The following RORA variants were observed in gnomAD, a reference collection of about 807,000 sequenced individuals.
RORA encodes nuclear receptor ROR-alpha.
In RORA, 7 loss-of-function variants were observed where a neutral mutation model predicts 69.5. The observed-to-expected ratio is 0.10, with a 90% confidence interval of 0.06 to 0.19. The LOEUF (loss-of-function observed/expected upper bound fraction) is 0.19. Among genes scored for constraint, RORA ranks in the 10% least tolerant of loss-of-function variants. RORA has a pLI of 1.00. For missense variants in RORA, 457 were observed against 663.0 expected, an observed-to-expected ratio of 0.69 and a Z score of 3.41; for synonymous variants, 261 against 240.8, an observed-to-expected ratio of 1.08 and a Z score of -0.78.
At chr15:60,663,065 C>A (rs1239418451) in intron 2 of RORA, among the ~76,000 whole-genome samples, 2 of 152,172 alleles carry the variant, frequency 1.3e-5, no homozygotes, top group Non-Finnish European at 2.9e-5. Context: ...GAAGGGCCAC[C>A]CCCACTCTGA....
chr15:60,922,060 A>G (rs1892064460), intron 1 of RORA, among the ~76,000 whole-genome samples: 1 of 152,180 alleles, frequency 6.6e-6, no homozygotes, highest in Non-Finnish European at 1.5e-5. Flanking sequence ...AAATATATGC[A>G]CAGTCTACAG....
intron 3 of RORA, among the ~76,000 whole-genome samples, chr15:60,515,239 A>C (rs972684460): frequency 6.6e-6 from 1 of 152,220 alleles, no homozygotes; most frequent in Non-Finnish European, 1.5e-5. Flanking sequence ...AGCCCACTTC[A>C]ACACACGGCC....
chr15:60,561,257 A>G (rs1256953879), intron 2 of RORA, among the ~76,000 whole-genome samples: 3 of 150,690 alleles, frequency 2.0e-5, no homozygotes, highest in African/African-American at 7.3e-5. Flanking sequence ...AATTTTTTGT[A>G]TTTTTAGTAG....
chr15:61,067,304 G>T (rs1267063689), intron 1 of RORA, among the ~76,000 whole-genome samples: 3 of 151,686 alleles, frequency 2.0e-5, no homozygotes, highest in Non-Finnish European at 4.4e-5. Flanking sequence ...TAGAGACGGG[G>T]TTTTACTATG....
At chr15:60,614,989 G>C (rs768665850) in intron 2 of RORA, 1 of 1,613,960 alleles carries the variant, frequency 6.2e-7, no homozygotes, top group South Asian at 1.1e-5. Context: ...CTCAAGTTGA[G>C]ACCAGAACAG....
intron 1 of RORA, among the ~76,000 whole-genome samples, chr15:60,850,971 T>TC (rs1392340701): frequency 6.6e-6 from 1 of 152,138 alleles, no homozygotes; most frequent in African/African-American, 2.4e-5. Context: ...TCATTCTTTT[T>TC]CCCTCACACA....
chr15:60,665,076 T>C (rs771431983), intron 2 of RORA, among the ~76,000 whole-genome samples: 6 of 152,222 alleles, frequency 3.9e-5, no homozygotes, highest in Non-Finnish European at 8.8e-5. Context: ...CAGACAAACA[T>C]AGCAAGTCAC....
Position 60,841,014 on chromosome 15 carries a change from C to A in RORA, c.167-162328G>T, listed in dbSNP as rs958400125. The A allele has an allele frequency of 1.3e-5, 11 of 844,362 alleles. No individual in the cohort carries two copies. The African/African-American group carries it at 1.8e-4, about 14-fold the overall frequency. The allele number at this position is 844,362 out of a possible 1,614,324, so 52.3% of individuals were successfully genotyped here. A position where few individuals can be genotyped will look rare whatever the true frequency, so the allele number is the denominator to read the frequency against. On this transcript the variant is annotated intron_variant, in intron 1 of 10. Transcript: ENST00000335670. ...CCACCTCCTTCCTCGACAACGATAC[C>A]TTACGGAAGCCAGAGAAATTTAGGC...
intron 1 of RORA, among the ~76,000 whole-genome samples, chr15:61,042,586 C>T (rs576797754): frequency 5.9e-5 from 9 of 152,350 alleles, no homozygotes; most frequent in African/African-American, 1.9e-4. Context: ...TCACAAAAGA[C>T]TGTACGTAAT....
At chr15:61,225,614 G>A (rs1010342374) in intron 1 of RORA, among the ~76,000 whole-genome samples, 6 of 152,074 alleles carry the variant, frequency 3.9e-5, no homozygotes, top group East Asian at 3.9e-4. Flanking sequence ...TAGGTCTGCC[G>A]GCCCTAAAAG....
At chr15:60,726,273 T>C (rs943350330) in intron 1 of RORA, among the ~76,000 whole-genome samples, 1 of 152,032 alleles carries the variant, frequency 6.6e-6, no homozygotes, top group African/African-American at 2.4e-5. Context: ...GAAATGAAGG[T>C]TAATAAGAGG....
chr15:60,801,585 G>A (rs946580941), intron 1 of RORA, among the ~76,000 whole-genome samples: 6 of 152,206 alleles, frequency 3.9e-5, no homozygotes, highest in African/African-American at 1.4e-4. Context: ...GAATGTCTCT[G>A]CATTTTACAG....
intron 1 of RORA, among the ~76,000 whole-genome samples, chr15:61,016,991 A>T (rs982041543): frequency 6.6e-6 from 1 of 152,234 alleles, no homozygotes; most frequent in South Asian, 2.1e-4. Flanking sequence ...CCACTTTCCT[A>T]TAAAACATAT....
At chr15:60,844,967 G>C (rs12595623) in intron 1 of RORA, among the ~76,000 whole-genome samples, 8,091 of 152,248 alleles carry the variant, frequency 0.053, 445 homozygotes, top group East Asian at 0.23. Flanking sequence ...GTAGGCATCA[G>C]TTGTATAAGT....
chr15:60,782,658 C>A (rs145591348), intron 1 of RORA, among the ~76,000 whole-genome samples: 308 of 152,268 alleles, frequency 2.0e-3, no homozygotes, highest in African/African-American at 6.2e-3. Flanking sequence ...CTATGAGAAG[C>A]AAAGTTTCCC....
rs2065126730 is a variant in RORA, at chr15:60,494,800, C to T, written c.*2655G>A. ...TTGGTTTACCGTAAAAGCAATGTCA[C>T]CATGGCATGACTATTACTGTGGTTA... On this transcript the variant is annotated 3_prime_UTR_variant, in exon 11 of 11. Coordinates refer to ENST00000335670, the MANE Select transcript of RORA (RefSeq NM_134261.3). The T allele has an allele frequency of 6.6e-6, 1 of 152,162 alleles. No homozygotes were observed. The highest frequency in any genetic ancestry group is 1.9e-4 in the East Asian group (1 of 5,200). 9.4% of individuals were successfully genotyped at this position (152,162 alleles called of 1,614,324 possible).
intron 1 of RORA, among the ~76,000 whole-genome samples, chr15:60,955,424 A>G (rs1161980864): frequency 6.6e-6 from 1 of 152,254 alleles, no homozygotes; most frequent in East Asian, 1.9e-4. Context: ...AACATATAGT[A>G]TATTTCATTA....
intron 1 of RORA, among the ~76,000 whole-genome samples, chr15:61,125,358 G>C (rs950903660): frequency 1.3e-5 from 2 of 152,066 alleles, no homozygotes; most frequent in Non-Finnish European, 2.9e-5. Flanking sequence ...ATAAACTTGG[G>C]GGCTGTTGCT....
chr15:60,658,092 T>G (rs1230057506), intron 2 of RORA, among the ~76,000 whole-genome samples: 1 of 152,160 alleles, frequency 6.6e-6, no homozygotes, highest in Non-Finnish European at 1.5e-5. Flanking sequence ...TTTTTCTTTT[T>G]TTTTTGGAGA....
Sources: gnomAD v4.1 joint callset for allele counts (sites outside exome capture counted in the v4.1 genomes callset) on GRCh38, gnomAD v4.1.1 for gene constraint, MANE v1.5 for transcripts, NCBI Gene and HGNC (gene_info 2026-07-23, HGNC 2026-07-21) for gene names.